CAMK1D: variants seen among roughly 807,000 people sequenced by gnomAD.
CAMK1D encodes the protein calcium/calmodulin dependent protein kinase ID, also known as calcium/calmodulin-dependent protein kinase type 1D.
CAMK1D carries 9 observed loss-of-function variants against 47.7 expected under a neutral mutation model. The ratio of observed to expected loss-of-function variants is 0.19; its 90% CI spans 0.11 to 0.33. The LOEUF is 0.33. Among genes scored for constraint, CAMK1D ranks in the 10% least tolerant of loss-of-function variants. CAMK1D has a pLI of 1.00. For synonymous variants in CAMK1D, 184 were observed against 184.9 expected (o/e 0.99, Z 0.04); for missense variants, 291 against 488.7 (o/e 0.60, Z 3.81).
rs1382529796 is a variant in CAMK1D at position 12,691,359 on chromosome 10, A to G, written c.299+24549A>G. On this transcript the variant is annotated intron_variant, in intron 3 of 10. Coordinates refer to ENST00000619168, the MANE Select transcript of CAMK1D (RefSeq NM_153498.4). ...CAGGGCTGAAGTTTTCTATATATATATATATATATATATATATAAATATAT... is the reference window on the plus strand; with the variant it reads ...CAGGGCTGAAGTTTTCTATATATATGTATATATATATATATATAAATATAT... Among the ~76,000 whole-genome samples, 4 of 5,858 alleles carry G rather than the reference A, an allele frequency of 6.8e-4. 1 individual carries two copies. Among genetic ancestry groups the G allele is most frequent in the Non-Finnish European group, 1.4e-3 (4 of 2,816 alleles). The allele number at this position is 5,858 out of a possible 152,430, so 3.8% of individuals were successfully genotyped here.
chr10:12,641,244 C>T (rs1276455909), intron 2 of CAMK1D, among the ~76,000 whole-genome samples: 1 of 152,206 alleles, frequency 6.6e-6, no homozygotes, highest in African/African-American at 2.4e-5. Context: ...GCTGGGATTA[C>T]AAGCGTCAGC....
chr10:12,367,919 G>A (rs994867748), intron 1 of CAMK1D, among the ~76,000 whole-genome samples: 59 of 152,308 alleles, frequency 3.9e-4, no homozygotes, highest in Admixed American at 5.9e-4. Context: ...TTGGCCAGGC[G>A]CAGTGGCTCA....
intron 1 of CAMK1D, among the ~76,000 whole-genome samples, chr10:12,375,575 C>T (rs916458611): frequency 6.6e-6 from 1 of 152,066 alleles, no homozygotes; most frequent in African/African-American, 2.4e-5. Context: ...TGCTGGTACT[C>T]CAAAAAAAGA....
At chr10:12,718,671 G>T (rs2130777442) in intron 3 of CAMK1D, among the ~76,000 whole-genome samples, 1 of 152,310 alleles carries the variant, frequency 6.6e-6, no homozygotes, top group African/African-American at 2.4e-5. Context: ...TTCGTTTAAT[G>T]ATTTAAAAAC....
intron 1 of CAMK1D, among the ~76,000 whole-genome samples, chr10:12,459,264 A>C (rs1588508656): frequency 6.6e-6 from 1 of 152,208 alleles, no homozygotes; most frequent in Admixed American, 6.5e-5. Flanking sequence ...ACTGTGCCCC[A>C]GCCCACTACT....
chr10:12,694,336 ATAATATATAACATATATATGTTATATG>A lies in CAMK1D; in HGVS notation c.299+27528_299+27554del, dbSNP rs779649940. Among the ~76,000 whole-genome samples the A allele has an allele frequency of 5.5e-4, 48 of 87,932 alleles. 2 individuals are homozygous for A. Among genetic ancestry groups the A allele is most frequent in the South Asian group, 4.6e-3 (12 of 2,600 alleles). 57.7% of individuals were successfully genotyped at this position (87,932 alleles called of 152,430 possible). On this transcript the variant is annotated intron_variant, in intron 3 of 10. Transcript: ENST00000619168. The stretch of plus-strand genomic sequence containing the variant: ...ATAAAATATAATATATAAAGTATAT[ATAATATATAACATATATATGTTATATG>A]TTATATATAAAATATAAAATATATA...
intron 1 of CAMK1D, among the ~76,000 whole-genome samples, chr10:12,458,801 C>T (rs1313608284): frequency 1.3e-5 from 2 of 151,982 alleles, no homozygotes; most frequent in Non-Finnish European, 2.9e-5. Context: ...TTTGCTACAG[C>T]AGTCAGGATT....
chr10:12,802,264 C>T (rs1838513752), intron 6 of CAMK1D, among the ~76,000 whole-genome samples: 1 of 152,196 alleles, frequency 6.6e-6, no homozygotes, highest in African/African-American at 2.4e-5. Flanking sequence ...CAGAGCCCTG[C>T]AAGGTCTCGC....
intron 3 of CAMK1D, among the ~76,000 whole-genome samples, chr10:12,734,743 C>A (rs955427960): frequency 4.6e-5 from 7 of 151,934 alleles, no homozygotes; most frequent in Non-Finnish European, 1.0e-4. Context: ...ATTTAATCCC[C>A]TCCTTAGCCC....
At chr10:12,718,024 A>G (rs182598897) in intron 3 of CAMK1D, among the ~76,000 whole-genome samples, 15 of 152,264 alleles carry the variant, frequency 9.9e-5, no homozygotes, top group African/African-American at 3.6e-4. Context: ...TTTCATACTA[A>G]ATTATTTTTA....
chr10:12,529,774 G>T (rs1242151712), intron 1 of CAMK1D, among the ~76,000 whole-genome samples: 2 of 152,180 alleles, frequency 1.3e-5, no homozygotes. Context: ...GGGAAAAGTC[G>T]TGAAGAAAGC....
chr10:12,428,218 TG>T (rs1840317966), intron 1 of CAMK1D, among the ~76,000 whole-genome samples: 1 of 152,060 alleles, frequency 6.6e-6, no homozygotes, highest in Non-Finnish European at 1.5e-5. Context: ...TTCCCCTCCC[TG>T]TGTCCATGTG....
intron 1 of CAMK1D, among the ~76,000 whole-genome samples, chr10:12,545,453 TAAA>T (rs59666684): frequency 4.4e-4 from 23 of 52,260 alleles, no homozygotes; most frequent in East Asian, 1.6e-3. Context: ...CATCTCACAG[TAAA>T]AAAAAAAAAA....
chr10:12,570,414 C>A (rs1037455195), intron 2 of CAMK1D, among the ~76,000 whole-genome samples: 17 of 151,844 alleles, frequency 1.1e-4, no homozygotes, highest in African/African-American at 4.1e-4. Context: ...CGCAGTGGCT[C>A]ACACCTGTAA....
Position 12,532,490 on chromosome 10 carries a change from G to A in CAMK1D, c.93-20735G>A, listed in dbSNP as rs1263015629. Among the ~76,000 whole-genome samples the A allele has an allele frequency of 1.5e-4, 23 of 152,106 alleles. No individual in the cohort carries two copies. The East Asian group carries it at 4.1e-3, about 27-fold the overall frequency. Reference sequence around the variant, plus strand: ...GAGACGGGGTTTCACCGTTTTAGCCGGGATGGTCTCGATCTCCTGACCTCG... The same window carrying A: ...GAGACGGGGTTTCACCGTTTTAGCCAGGATGGTCTCGATCTCCTGACCTCG... On this transcript the variant is annotated intron_variant, in intron 1 of 10. Coordinates refer to ENST00000619168, the MANE Select transcript of CAMK1D (RefSeq NM_153498.4).
intron 2 of CAMK1D, among the ~76,000 whole-genome samples, chr10:12,582,608 C>T (rs1837695168): frequency 6.6e-6 from 1 of 152,074 alleles, no homozygotes; most frequent in African/African-American, 2.4e-5. Flanking sequence ...AGGTATATTA[C>T]CAAATATTTT....
chr10:12,833,655 T>G lies in CAMK1D; in HGVS notation c.*4768T>G, dbSNP rs146878159. 5 of 152,332 alleles carry G rather than the reference T, an allele frequency of 3.3e-5. No individual in the cohort carries two copies. Among genetic ancestry groups the G allele is most frequent in the African/African-American group, 1.2e-4 (5 of 41,576 alleles). The allele number at this position is 152,332 out of a possible 1,614,324, so 9.4% of individuals were successfully genotyped here. On this transcript the variant is annotated 3_prime_UTR_variant, in exon 11 of 11. Transcript: ENST00000619168. ...AATTTAACAAGCACACGACTGGGAT[T>G]CCTTTGGATATGAGAAAGGAAGGCA...
chr10:12,676,416 ACTTT>A (rs1204166833), intron 3 of CAMK1D, among the ~76,000 whole-genome samples: 1 of 152,008 alleles, frequency 6.6e-6, no homozygotes, highest in Non-Finnish European at 1.5e-5. Flanking sequence ...CCTCTCCCCA[ACTTT>A]CTTTCTCTCT....
At chr10:12,446,175 C>A (rs1251314546) in intron 1 of CAMK1D, among the ~76,000 whole-genome samples, 1 of 152,102 alleles carries the variant, frequency 6.6e-6, no homozygotes, top group African/African-American at 2.4e-5. Flanking sequence ...CAGGGCAAGT[C>A]CACAGAGTAA....
Sources: allele counts gnomAD v4.1 joint callset (sites outside exome capture counted in the v4.1 genomes callset), GRCh38; gene constraint gnomAD v4.1.1; transcripts MANE v1.5; gene names NCBI Gene and HGNC (gene_info 2026-07-23, HGNC 2026-07-21).